Variants in C4orf36 observed in about 807,000 individuals in gnomAD.
C4orf36 encodes uncharacterized protein C4orf36.
Under a neutral mutation model 12.2 loss-of-function variants are expected in C4orf36, and 11 were observed. That is an observed-to-expected ratio of 0.90 (90% CI 0.57 to 1.49). The LOEUF is 1.49. C4orf36 is among the 40% of genes most tolerant of loss of function. The probability of loss-of-function intolerance (pLI) is 0.00; values close to 1 mark genes in which losing one functional copy is unlikely to be tolerated. For synonymous variants in C4orf36, 54 were observed against 51.3 expected, an observed-to-expected ratio of 1.05 and a Z score of -0.22; for missense variants, 137 against 133.9, an observed-to-expected ratio of 1.02 and a Z score of -0.11.
the C4orf36 span, among the ~76,000 whole-genome samples, chr4:86,912,300 C>T: frequency 1.3e-5 from 2 of 152,238 alleles, no homozygotes; most frequent in African/African-American, 4.8e-5. Flanking sequence ...GAATTACAGT[C>T]ATGAGCCACT....
Position 86,876,428 on chromosome 4 carries a change from C to T in C4orf36, c.*18G>A. On this transcript the variant is annotated 3_prime_UTR_variant, in exon 5 of 5. Transcript: ENST00000295898. Reference sequence around the variant, plus strand: ...CGGCGCTGCTGAGTTTCTTCATCTACAATCCGCGCTTCAGGCTGCGCAAAG... The same window carrying T: ...CGGCGCTGCTGAGTTTCTTCATCTATAATCCGCGCTTCAGGCTGCGCAAAG... 1.2e-6 allele frequency: 2 copies of T among 1,613,248 alleles called. No homozygotes were observed. Among genetic ancestry groups the T allele is most frequent in the Non-Finnish European group, 8.5e-7 (1 of 1,179,508 alleles).
chr4:86,894,942 C>T (rs1310647943), upstream of C4orf36, among the ~76,000 whole-genome samples: 1 of 152,184 alleles, frequency 6.6e-6, no homozygotes, highest in Non-Finnish European at 1.5e-5. Flanking sequence ...ACTTAAACTT[C>T]GTGAGAAATT....
the C4orf36 span, among the ~76,000 whole-genome samples, chr4:86,919,597 T>A: frequency 1.3e-5 from 2 of 152,114 alleles, no homozygotes; most frequent in Non-Finnish European, 2.9e-5. Context: ...AGTGCTCGGA[T>A]TACAGGCATG....
At position 86,887,670 on chromosome 4, in the gene C4orf36, T is replaced by C. The variant is rs1469204935; in HGVS notation, c.*2+88A>G. On this transcript the variant is annotated intron_variant, in intron 4 of 4. Coordinates refer to ENST00000295898, the MANE Select transcript of C4orf36 (RefSeq NM_144645.4). Reference sequence around the variant, plus strand: ...ATCCACCAGTGGGCATTCAAATATCTGCCCTGAACTATACATAGTGAAAGG... The same window carrying C: ...ATCCACCAGTGGGCATTCAAATATCCGCCCTGAACTATACATAGTGAAAGG... 6.6e-6 allele frequency: 10 copies of C among 1,508,838 alleles called. No homozygotes were observed. In the Admixed American group the frequency reaches 2.0e-4, roughly 30 times the overall value. 93.5% of individuals were successfully genotyped at this position (1,508,838 alleles called of 1,614,324 possible). A position where few individuals can be genotyped will look rare whatever the true frequency, so the allele number is the denominator to read the frequency against.
chr4:86,890,084 C>G (rs1042296504), intron 2 of C4orf36: 1 of 453,116 alleles, frequency 2.2e-6, no homozygotes, highest in Admixed American at 2.4e-5. Context: ...CCCAGCTACT[C>G]AGGAGGCTGA....
At chr4:86,919,616 C>T in the C4orf36 span, among the ~76,000 whole-genome samples, 32 of 152,206 alleles carry the variant, frequency 2.1e-4, no homozygotes, top group African/African-American at 6.7e-4. Context: ...TGAGCTACTG[C>T]GCCCGGCCCC....
At chr4:86,913,149 T>C in the C4orf36 span, 2 of 334,066 alleles carry the variant, frequency 6.0e-6, no homozygotes, top group South Asian at 6.4e-5. Flanking sequence ...TGGCGTGATA[T>C]ATGTTCTCAG....
chr4:86,882,507 A>G (rs1252181073), intron 4 of C4orf36, among the ~76,000 whole-genome samples: 1 of 152,184 alleles, frequency 6.6e-6, no homozygotes, highest in Non-Finnish European at 1.5e-5. Flanking sequence ...CACTCTTGCT[A>G]AATTCCATAA....
the C4orf36 span, among the ~76,000 whole-genome samples, chr4:86,905,957 G>A: frequency 1.3e-5 from 2 of 152,104 alleles, no homozygotes; most frequent in African/African-American, 4.8e-5. Context: ...CTGACCTCAA[G>A]TTATCCACCT....
chr4:86,891,586 C>G lies in C4orf36; in HGVS notation c.-66G>C, dbSNP rs1239024323. On this transcript the variant is annotated 5_prime_UTR_variant, in exon 2 of 5. Transcript: ENST00000295898. ...ATGGAATGTCACAGATAACTCTGTT[C>G]ACTTTACCTGAAATGATGGCAACGC... 17 of 1,608,696 alleles carry G rather than the reference C, an allele frequency of 1.1e-5. No individual in the cohort carries two copies. The highest frequency in any genetic ancestry group is 1.4e-5 in the Non-Finnish European group (16 of 1,176,966).
At chr4:86,911,407 C>G in the C4orf36 span, among the ~76,000 whole-genome samples, 2 of 152,222 alleles carry the variant, frequency 1.3e-5, no homozygotes, top group African/African-American at 4.8e-5. Context: ...GACAGATCTG[C>G]TACCTCAAAT....
At chr4:86,879,823 A>T (rs1747004590) in intron 4 of C4orf36, among the ~76,000 whole-genome samples, 1 of 150,694 alleles carries the variant, frequency 6.6e-6, no homozygotes, top group African/African-American at 2.4e-5. Flanking sequence ...GGGAGATCTT[A>T]TTAGACTATA....
At chr4:86,888,397 G>A (rs576435960) in intron 2 of C4orf36, 122 bp from the exon 3 acceptor site, 2 of 869,136 alleles carry the variant, frequency 2.3e-6, no homozygotes, top group Admixed American at 2.7e-5. Flanking sequence ...TGGGTGGAGG[G>A]GGAGATGTTC....
the C4orf36 span, among the ~76,000 whole-genome samples, chr4:86,922,144 T>A: frequency 6.6e-6 from 1 of 152,314 alleles, no homozygotes; most frequent in Non-Finnish European, 1.5e-5. Context: ...ATGCATTTAT[T>A]TAAAAGATGG....
the C4orf36 span, among the ~76,000 whole-genome samples, chr4:86,900,114 C>CAACCTCCGCCTCCTGGGTT: frequency 6.6e-6 from 1 of 151,978 alleles, no homozygotes; most frequent in Non-Finnish European, 1.5e-5. Context: ...CAGCTCACTG[C>CAACCTCCGCCTCCTGGGTT]AACCTCCGCC....
chr4:86,887,217 C>T (rs1747213428), intron 4 of C4orf36: 1 of 151,912 alleles, frequency 6.6e-6, no homozygotes, highest in Admixed American at 6.6e-5. Flanking sequence ...ACATATGTAA[C>T]AAACCTGCAC....
the C4orf36 span, among the ~76,000 whole-genome samples, chr4:86,898,995 G>A: frequency 4.6e-5 from 7 of 152,088 alleles, no homozygotes; most frequent in Non-Finnish European, 8.8e-5. Context: ...GGAGACTGAG[G>A]TGGGAGGATC....
At position 86,876,316 on chromosome 4, in the gene C4orf36, G is replaced by A; in HGVS notation, c.*130C>T. 3 of 1,456,940 alleles carry A rather than the reference G, an allele frequency of 2.1e-6. No individual in the cohort carries two copies. Among genetic ancestry groups the A allele is most frequent in the Non-Finnish European group, 2.7e-6 (3 of 1,092,696 alleles). The allele number at this position is 1,456,940 out of a possible 1,614,324, so 90.3% of individuals were successfully genotyped here. ...GGGCGGGCCGTGGGAGGCTTCCTGA[G>A]GTGGGGGCCGGGCCAGGATGGCTGC... On this transcript the variant is annotated 3_prime_UTR_variant, in exon 5 of 5. Coordinates refer to ENST00000295898, the MANE Select transcript of C4orf36 (RefSeq NM_144645.4).
chr4:86,883,423 T>G (rs1747094851), intron 4 of C4orf36, among the ~76,000 whole-genome samples: 1 of 152,228 alleles, frequency 6.6e-6, no homozygotes, highest in Admixed American at 6.5e-5. Flanking sequence ...TGCACAAAGA[T>G]CAAGAGAATC....
Sources: allele counts gnomAD v4.1 joint callset (sites outside exome capture counted in the v4.1 genomes callset), GRCh38; gene constraint gnomAD v4.1.1; transcripts MANE v1.5; gene names NCBI Gene and HGNC (gene_info 2026-07-23, HGNC 2026-07-21).